The following ADORA2B variants were observed in gnomAD, a reference collection of about 807,000 sequenced individuals.
The protein encoded by ADORA2B is adenosine receptor A2b.
Under a neutral mutation model 20.8 loss-of-function variants are expected in ADORA2B, and 18 were observed. The observed-to-expected ratio is 0.87, with a 90% CI of 0.60 to 1.29. The LOEUF (loss-of-function observed/expected upper bound fraction) is 1.29. ADORA2B is among the 50% of genes most tolerant of loss of function. The pLI is 0.00. For synonymous variants in ADORA2B, 179 were observed against 178.3 expected, an observed-to-expected ratio of 1.00 and a Z score of -0.03; for missense variants, 441 against 422.7, an observed-to-expected ratio of 1.04 and a Z score of -0.38.
At chr17:15,852,081 G>A in the ADORA2B span, among the ~76,000 whole-genome samples, 1 of 152,080 alleles carries the variant, frequency 6.6e-6, no homozygotes, top group African/African-American at 2.4e-5. Flanking sequence ...TTATTTTGAG[G>A]TATTAGTCTT....
chr17:15,969,778 T>G (rs1970166774), intron 1 of ADORA2B, among the ~76,000 whole-genome samples: 1 of 152,228 alleles, frequency 6.6e-6, no homozygotes, highest in Non-Finnish European at 1.5e-5. Context: ...CTAGCTGATC[T>G]CTCTGCTTTT....
intron 1 of ADORA2B, among the ~76,000 whole-genome samples, chr17:15,973,687 C>A (rs536957040): frequency 1.3e-5 from 2 of 152,326 alleles, no homozygotes; most frequent in African/African-American, 4.8e-5. Flanking sequence ...CGCCCCTGGT[C>A]TGTGGAAACA....
upstream of ADORA2B, among the ~76,000 whole-genome samples, chr17:15,944,741 C>T (rs1403293821): frequency 6.6e-6 from 1 of 152,066 alleles, no homozygotes; most frequent in Non-Finnish European, 1.5e-5. The surrounding 1 kb of genome is among the most constrained non-coding windows in gnomAD (Gnocchi z 4.8). Context: ...CAGGGTTAGC[C>T]TGGAGTGAGC....
At chr17:15,850,993 T>C in the ADORA2B span, among the ~76,000 whole-genome samples, 1 of 152,216 alleles carries the variant, frequency 6.6e-6, no homozygotes, top group Admixed American at 6.5e-5. Flanking sequence ...GGAATATGTC[T>C]GAGACATCTT....
intron 1 of ADORA2B, among the ~76,000 whole-genome samples, chr17:15,969,172 C>T (rs577695166): frequency 3.4e-4 from 51 of 152,150 alleles, no homozygotes; most frequent in South Asian, 4.1e-4. Context: ...TCCCTTTGGC[C>T]GGGCGTGGAG....
chr17:15,962,860 G>C (rs1005170209), intron 1 of ADORA2B, among the ~76,000 whole-genome samples: 1 of 152,098 alleles, frequency 6.6e-6, no homozygotes, highest in Non-Finnish European at 1.5e-5. Flanking sequence ...AGTGAGAGAG[G>C]GCCCTTACAA....
At chr17:15,897,080 C>G in the ADORA2B span, among the ~76,000 whole-genome samples, 1 of 151,970 alleles carries the variant, frequency 6.6e-6, no homozygotes, top group African/African-American at 2.4e-5. Context: ...AGAGGGAATT[C>G]CAGATGAAAA....
intron 1 of ADORA2B, among the ~76,000 whole-genome samples, chr17:15,960,973 C>G (rs1224052102): frequency 6.6e-6 from 1 of 151,328 alleles, no homozygotes; most frequent in Admixed American, 6.6e-5. Context: ...TGAGACCATC[C>G]TGGCTAACAT....
At chr17:15,852,508 A>G in the ADORA2B span, among the ~76,000 whole-genome samples, 1 of 152,176 alleles carries the variant, frequency 6.6e-6, no homozygotes, top group Admixed American at 6.6e-5. Flanking sequence ...AATACTAAGT[A>G]TACAAATAGA....
the ADORA2B span, among the ~76,000 whole-genome samples, chr17:15,874,109 T>C: frequency 2.6e-3 from 284 of 110,760 alleles, 2 homozygotes; most frequent in African/African-American, 7.4e-3. Context: ...CACACACACA[T>C]ATATACATAC....
the ADORA2B span, among the ~76,000 whole-genome samples, chr17:15,934,799 AATTT>A: frequency 4.6e-5 from 7 of 151,846 alleles, no homozygotes; most frequent in Non-Finnish European, 8.8e-5. Flanking sequence ...TGTATTAATT[AATTT>A]ATTTATTTAT....
At chr17:15,919,733 G>A in the ADORA2B span, among the ~76,000 whole-genome samples, 1 of 152,168 alleles carries the variant, frequency 6.6e-6, no homozygotes, top group African/African-American at 2.4e-5. Context: ...CAGTGGGTGG[G>A]AAGGGAAGGG....
the ADORA2B span, among the ~76,000 whole-genome samples, chr17:15,889,050 A>G: frequency 8.4e-6 from 1 of 118,460 alleles, no homozygotes; most frequent in Non-Finnish European, 1.7e-5. Flanking sequence ...CTTAATAGAG[A>G]CAAGCTTTCA....
chr17:15,930,494 C>G, the ADORA2B span, among the ~76,000 whole-genome samples: 1 of 152,096 alleles, frequency 6.6e-6, no homozygotes, highest in Non-Finnish European at 1.5e-5. Flanking sequence ...CAGGGTTTCG[C>G]TGTATTGGCC....
chr17:15,908,182 G>T, the ADORA2B span, among the ~76,000 whole-genome samples: 1 of 151,928 alleles, frequency 6.6e-6, no homozygotes, highest in Non-Finnish European at 1.5e-5. Flanking sequence ...CAACCTCCCG[G>T]GCTCAACCAG....
chr17:15,902,303 C>T, the ADORA2B span, among the ~76,000 whole-genome samples: 2 of 152,086 alleles, frequency 1.3e-5, no homozygotes, highest in African/African-American at 4.8e-5. Flanking sequence ...CCTCCACCTT[C>T]CAGGTTCAAG....
At chr17:15,938,741 C>G in the ADORA2B span, among the ~76,000 whole-genome samples, 1 of 152,186 alleles carries the variant, frequency 6.6e-6, no homozygotes, top group African/African-American at 2.4e-5. Flanking sequence ...ACAGTGGGAA[C>G]CAAAAACATG....
At position 15,945,463 on chromosome 17, in the gene ADORA2B, G is replaced by A. The variant is rs376788424; in HGVS notation, c.215G>A (p.Cys72Tyr). The A allele has an allele frequency of 1.3e-4, 207 of 1,613,510 alleles. 5 individuals carry two copies. The South Asian group carries it at 2.1e-3, about 16-fold the overall frequency. ...PFAITISLGF[C>Y]TDFYGCLFLA... Reference sequence around the variant, plus strand: ...GCCATCACCATCAGCCTGGGCTTCTGCACTGACTTCTACGGCTGCCTCTTC... The same window carrying A: ...GCCATCACCATCAGCCTGGGCTTCTACACTGACTTCTACGGCTGCCTCTTC... Residue 72 changes from cysteine to tyrosine, a missense_variant, in exon 1 of 2, where the codon TGC becomes TAC. Physicochemically the swap from Cys to Tyr is radical, Grantham distance 194 (BLOSUM62 -2). Coordinates refer to ENST00000304222, the MANE Select transcript of ADORA2B (RefSeq NM_000676.4).
At chr17:15,962,665 G>A (rs933797583) in intron 1 of ADORA2B, among the ~76,000 whole-genome samples, 7 of 152,156 alleles carry the variant, frequency 4.6e-5, no homozygotes, top group Non-Finnish European at 8.8e-5. Context: ...CTGAGTAGCT[G>A]GGATTACAGG....
Sources: gnomAD v4.1 joint callset for allele counts (sites outside exome capture counted in the v4.1 genomes callset) on GRCh38, gnomAD v4.1.1 for gene constraint, Gnocchi (gnomAD v3.1) non-coding constraint, MANE v1.5 for transcripts, NCBI Gene and HGNC (gene_info 2026-07-23, HGNC 2026-07-21) for gene names.